Variants in HTR4 observed in about 807,000 individuals in gnomAD.
HTR4 encodes the protein 5-hydroxytryptamine (serotonin) receptor 4, G protein-coupled.
HTR4 carries 16 observed loss-of-function variants against 36.8 expected under a neutral mutation model. The observed-to-expected ratio is 0.43, with a 90% CI of 0.29 to 0.66. The LOEUF (loss-of-function observed/expected upper bound fraction) is 0.66. Ranked by LOEUF, HTR4 falls within the 30% of genes least tolerant of loss-of-function variation. The probability of loss-of-function intolerance (pLI) is 0.13; values close to 1 mark genes in which losing one functional copy is unlikely to be tolerated. For missense variants in HTR4, 438 were observed against 490.9 expected, an observed-to-expected ratio of 0.89 and a Z score of 1.02; for synonymous variants, 189 against 185.1, an observed-to-expected ratio of 1.02 and a Z score of -0.17.
At chr5:148,459,766 C>CA (rs967078046) in intron 5 of HTR4, among the ~76,000 whole-genome samples, 9 of 151,512 alleles carry the variant, frequency 5.9e-5, no homozygotes, top group South Asian at 2.1e-4. Context: ...AACAAACAAA[C>CA]AAAAAAAACC....
chr5:148,620,618 TGTTAA>T (rs1287966299), intron 2 of HTR4, among the ~76,000 whole-genome samples: 10 of 152,234 alleles, frequency 6.6e-5, no homozygotes, highest in African/African-American at 1.9e-4. Context: ...ACTTTAGATA[TGTTAA>T]GTTAAATTGA....
chr5:148,634,959 T>C (rs1348541382), intron 2 of HTR4, among the ~76,000 whole-genome samples: 1 of 152,160 alleles, frequency 6.6e-6, no homozygotes, highest in African/African-American at 2.4e-5. Context: ...TCTTGCTAAT[T>C]ACACCTAGAA....
chr5:148,509,838 C>A lies in HTR4; in HGVS notation c.694G>T (p.Ala232Ser), dbSNP rs772093164. 3.1e-6 allele frequency: 5 copies of A among 1,613,970 alleles called. No homozygotes were observed. In the South Asian group the frequency reaches 4.4e-5, roughly 14 times the overall value. ...GGCCTGCTCTCGGAGGAGGCTCCTG[C>A]CCGTTGTAACATCTGGATCTGATGG... ...HAHQIQMLQR[A>S]GASSESRPQS... Residue 232 changes from alanine (A) to serine (S), a missense_variant, in exon 6 of 7, where the codon GCA (alanine) becomes TCA (serine). Physicochemically the swap from Ala to Ser is moderately conservative, Grantham distance 99 (BLOSUM62 1). Coordinates refer to ENST00000377888, the MANE Select transcript of HTR4 (RefSeq NM_000870.7).
At chr5:148,614,474 C>T (rs1426226807) in intron 2 of HTR4, among the ~76,000 whole-genome samples, 1 of 152,108 alleles carries the variant, frequency 6.6e-6, no homozygotes, top group Non-Finnish European at 1.5e-5. Flanking sequence ...AACTGGCTAG[C>T]CATATGTAGA....
intron 2 of HTR4, among the ~76,000 whole-genome samples, chr5:148,601,153 A>T (rs1435811055): frequency 6.6e-6 from 1 of 152,124 alleles, no homozygotes; most frequent in Non-Finnish European, 1.5e-5. Flanking sequence ...ATAACACCTC[A>T]CATCACAGAA....
In HTR4 at chr5:148,654,172, C is replaced by T; in HGVS notation, c.-158G>A. ...CTGCCGCTGCGCTCCCAGCCGCTGC[C>T]TGCGCCCTCCCTGCCGCCCCCTCGG... On this transcript the variant is annotated 5_prime_UTR_variant, in exon 1 of 7. Transcript: ENST00000377888. 1 of 985,648 alleles carries T rather than the reference C, an allele frequency of 1.0e-6. No individual in the cohort carries two copies. Among genetic ancestry groups the T allele is most frequent in the Non-Finnish European group, 1.2e-6 (1 of 830,042 alleles). The allele number at this position is 985,648 out of a possible 1,614,324, so 61.1% of individuals were successfully genotyped here.
At chr5:148,564,593 T>C (rs1760356889) in intron 2 of HTR4, among the ~76,000 whole-genome samples, 1 of 152,162 alleles carries the variant, frequency 6.6e-6, no homozygotes. Flanking sequence ...TCAATAGTTC[T>C]GTTAATCCTG....
At chr5:148,510,151 T>G in intron 5 of HTR4, 127 bp from the exon 6 acceptor site, 1 of 613,798 alleles carries the variant, frequency 1.6e-6, no homozygotes, top group Non-Finnish European at 2.8e-6. Flanking sequence ...AGTGGAGGAT[T>G]GGAAGATAAA....
chr5:148,597,194 G>T (rs1003637254), intron 2 of HTR4, among the ~76,000 whole-genome samples: 1 of 152,090 alleles, frequency 6.6e-6, no homozygotes, highest in Non-Finnish European at 1.5e-5. Flanking sequence ...GCTCTGTATT[G>T]GTTATTATTC....
At chr5:148,592,070 T>C (rs1361423862) in intron 2 of HTR4, among the ~76,000 whole-genome samples, 1 of 152,122 alleles carries the variant, frequency 6.6e-6, no homozygotes, top group East Asian at 1.9e-4. Context: ...AAGAATGAGA[T>C]CGTGTCTTCT....
At chr5:148,579,102 T>C (rs1186940354) in intron 2 of HTR4, among the ~76,000 whole-genome samples, 1 of 152,132 alleles carries the variant, frequency 6.6e-6, no homozygotes, top group African/African-American at 2.4e-5. Context: ...CACTCATAGC[T>C]GTCAGTTTCT....
At chr5:148,604,156 C>T (rs1343895246) in intron 2 of HTR4, among the ~76,000 whole-genome samples, 1 of 152,026 alleles carries the variant, frequency 6.6e-6, no homozygotes, top group Non-Finnish European at 1.5e-5. Flanking sequence ...AGGCACTAAC[C>T]ATAATAGAAA....
intron 5 of HTR4, among the ~76,000 whole-genome samples, chr5:148,456,089 C>T (rs1241587217): frequency 1.3e-5 from 2 of 152,020 alleles, no homozygotes; most frequent in Non-Finnish European, 2.9e-5. Context: ...GACTGATAGA[C>T]ACAGGAAGGA....
rs1224490852 is a variant in HTR4 at position 148,517,175 on chromosome 5, T to C, written c.507+6018A>G. 5.3e-5 allele frequency among the ~76,000 whole-genome samples: 8 copies of C among 152,326 alleles called. No individual in the cohort carries two copies. The South Asian group carries it at 8.3e-4, about 16-fold the overall frequency. ...CCCAATTCTCTCTCCTTCCTTATAA[T>C]ATGTTTTAAGGCATATTTGCTTCCA... On this transcript the variant is annotated intron_variant, in intron 5 of 6. Transcript: ENST00000377888.
chr5:148,542,503 T>G (rs1356733695), intron 4 of HTR4, among the ~76,000 whole-genome samples: 3 of 152,180 alleles, frequency 2.0e-5, no homozygotes, highest in Non-Finnish European at 4.4e-5. Context: ...ACTAAGAAAC[T>G]GTTGGAGAAT....
chr5:148,466,359 T>C (rs1755428482), intron 5 of HTR4, among the ~76,000 whole-genome samples: 1 of 152,226 alleles, frequency 6.6e-6, no homozygotes, highest in Non-Finnish European at 1.5e-5. Context: ...GATACTCCCT[T>C]TCCTTCTTTT....
At chr5:148,504,319 A>G (rs901401676) in intron 6 of HTR4, among the ~76,000 whole-genome samples, 3 of 152,256 alleles carry the variant, frequency 2.0e-5, no homozygotes, top group Non-Finnish European at 4.4e-5. Context: ...CAATCAAACT[A>G]GAACTCAGGA....
intron 1 of HTR4, among the ~76,000 whole-genome samples, chr5:148,647,780 C>T (rs544510429): frequency 2.6e-5 from 4 of 152,172 alleles, no homozygotes; most frequent in Non-Finnish European, 5.9e-5. Context: ...ACCCCGGAGG[C>T]GAAGGTTTCA....
At chr5:148,477,019 T>C (rs1755720183), downstream of HTR4, among the ~76,000 whole-genome samples, 1 of 152,226 alleles carries the variant, frequency 6.6e-6, no homozygotes, top group Admixed American at 6.5e-5. Flanking sequence ...GAAGAAAAAC[T>C]CTAACAGTGG....
Sources: gnomAD v4.1 joint callset for allele counts (sites outside exome capture counted in the v4.1 genomes callset) on GRCh38, gnomAD v4.1.1 for gene constraint, MANE v1.5 for transcripts, NCBI Gene and HGNC (gene_info 2026-07-23, HGNC 2026-07-21) for gene names.